AGMO: variants seen among roughly 807,000 people sequenced by gnomAD.
AGMO encodes glyceryl-ether monooxygenase.
Under a neutral mutation model 60.2 loss-of-function variants are expected in AGMO, and 75 were observed. That is an observed-to-expected ratio of 1.25 (90% CI 1.03 to 1.51). The LOEUF (loss-of-function observed/expected upper bound fraction) is 1.51, where lower values mean the gene tolerates loss of function less well. Ranked by LOEUF, AGMO falls within the 40% of genes most tolerant of loss-of-function variation. The pLI is 0.00. For synonymous variants in AGMO, 261 were observed against 177.1 expected, an observed-to-expected ratio of 1.47 and a Z score of -3.76; for missense variants, 763 against 525.5, an observed-to-expected ratio of 1.45 and a Z score of -4.42.
the AGMO span, among the ~76,000 whole-genome samples, chr7:15,168,913 A>G: frequency 6.6e-6 from 1 of 152,222 alleles, no homozygotes; most frequent in Non-Finnish European, 1.5e-5. Flanking sequence ...CTCTATGGAT[A>G]AACACAGTTG....
chr7:15,414,844 A>G (rs561641323), intron 5 of AGMO, among the ~76,000 whole-genome samples: 1 of 152,198 alleles, frequency 6.6e-6, no homozygotes, highest in African/African-American at 2.4e-5. Flanking sequence ...AAATACAAAC[A>G]TATGTGGTCA....
At chr7:15,164,198 C>A in the AGMO span, among the ~76,000 whole-genome samples, 2 of 151,890 alleles carry the variant, frequency 1.3e-5, no homozygotes, top group Non-Finnish European at 2.9e-5. Flanking sequence ...TAGTCATATG[C>A]AGAATGAGCT....
chr7:15,482,697 G>C (rs1442560611), intron 3 of AGMO, among the ~76,000 whole-genome samples: 1 of 152,062 alleles, frequency 6.6e-6, no homozygotes, highest in East Asian at 1.9e-4. Flanking sequence ...AAAAAGGAAA[G>C]TTGTAGGATA....
intron 5 of AGMO, chr7:15,396,047 T>G (rs906824253): frequency 2.0e-5 from 3 of 152,224 alleles, no homozygotes; most frequent in African/African-American, 7.2e-5. Context: ...TTTACCCACC[T>G]GAAAAGAGTT....
intron 12 of AGMO, 40 bp downstream of exon 12, chr7:15,365,474 G>T: frequency 7.6e-7 from 1 of 1,310,630 alleles, no homozygotes. Flanking sequence ...ATGTGCGATA[G>T]GTATACGCCA....
At chr7:15,477,838 A>T (rs919264444) in intron 3 of AGMO, among the ~76,000 whole-genome samples, 1 of 152,136 alleles carries the variant, frequency 6.6e-6, no homozygotes, top group Non-Finnish European at 1.5e-5. Flanking sequence ...AATTAAGTCA[A>T]TTTTCTAAAC....
At chr7:15,303,922 A>G (rs1780528827) in intron 12 of AGMO, among the ~76,000 whole-genome samples, 1 of 152,154 alleles carries the variant, frequency 6.6e-6, no homozygotes. Flanking sequence ...TATCGTTAAA[A>G]TCATGATATA....
At chr7:15,370,835 A>C (rs1783180109) in intron 10 of AGMO, among the ~76,000 whole-genome samples, 1 of 152,132 alleles carries the variant, frequency 6.6e-6, no homozygotes, top group Admixed American at 6.6e-5. Context: ...CCCATTCTGT[A>C]GACTGTCTGT....
intron 3 of AGMO, among the ~76,000 whole-genome samples, chr7:15,540,163 A>G (rs945424360): frequency 2.0e-5 from 3 of 152,140 alleles, no homozygotes; most frequent in Non-Finnish European, 4.4e-5. Context: ...AGGTACTTAT[A>G]CCTTTAGAAG....
chr7:15,219,750 G>A (rs190305055), intron 12 of AGMO, among the ~76,000 whole-genome samples: 42 of 152,146 alleles, frequency 2.8e-4, no homozygotes, highest in Middle Eastern at 3.4e-3. Context: ...GTGGCCAGAG[G>A]GAAAGTAGTA....
At chr7:15,546,633 A>G (rs1189489479) in intron 2 of AGMO, among the ~76,000 whole-genome samples, 1 of 152,200 alleles carries the variant, frequency 6.6e-6, no homozygotes, top group East Asian at 1.9e-4. Flanking sequence ...ATGTCCACAC[A>G]CAGGTGTGTG....
intron 12 of AGMO, chr7:15,358,336 T>C (rs1782620859): frequency 4.4e-6 from 2 of 450,972 alleles, no homozygotes; most frequent in South Asian, 3.3e-5. Flanking sequence ...TTGTTAACCT[T>C]GGGTTAATGC....
At chr7:15,273,624 T>A (rs112589196) in intron 12 of AGMO, among the ~76,000 whole-genome samples, 2 of 152,170 alleles carry the variant, frequency 1.3e-5, no homozygotes, top group Non-Finnish European at 2.9e-5. Context: ...TAGTTCCATA[T>A]GAACTTTAAA....
chr7:15,161,050 T>C, the AGMO span, among the ~76,000 whole-genome samples: 2 of 152,128 alleles, frequency 1.3e-5, no homozygotes, highest in African/African-American at 4.8e-5. Flanking sequence ...ACTTGCACAA[T>C]AATGAACCCA....
chr7:15,381,124 G>T (rs1047025719), intron 10 of AGMO, among the ~76,000 whole-genome samples: 2 of 152,038 alleles, frequency 1.3e-5, no homozygotes, highest in East Asian at 1.9e-4. Context: ...CAAAAACAAA[G>T]ATTTCATGAT....
At chr7:15,331,257 C>T (rs908963812) in intron 12 of AGMO, among the ~76,000 whole-genome samples, 7 of 152,120 alleles carry the variant, frequency 4.6e-5, no homozygotes, top group Non-Finnish European at 8.8e-5. Flanking sequence ...CAGCTAAGCC[C>T]TTTTTGAATT....
chr7:15,155,336 G>A, the AGMO span, among the ~76,000 whole-genome samples: 2 of 148,998 alleles, frequency 1.3e-5, no homozygotes, highest in African/African-American at 4.9e-5. Context: ...ATGTTGATTC[G>A]AAGAAGCAGT....
intron 3 of AGMO, among the ~76,000 whole-genome samples, chr7:15,500,520 T>C (rs1033906743): frequency 1.3e-5 from 2 of 151,962 alleles, no homozygotes; most frequent in Non-Finnish European, 2.9e-5. Context: ...TGTGTACATT[T>C]TTTGATATCA....
At chr7:15,354,422 ACACACACG>A (rs1290730830) in intron 12 of AGMO, among the ~76,000 whole-genome samples, 217 of 5,970 alleles carry the variant, frequency 0.036, 24 homozygotes, top group African/African-American at 0.15. Flanking sequence ...GTGTGTGTAT[ACACACACG>A]TGTGTGTATA....
Sources: allele counts gnomAD v4.1 joint callset (sites outside exome capture counted in the v4.1 genomes callset), GRCh38; gene constraint gnomAD v4.1.1; transcripts MANE v1.5; gene names NCBI Gene and HGNC (gene_info 2026-07-23, HGNC 2026-07-21).